SPIDR: variants seen among roughly 807,000 people sequenced by gnomAD.
The protein encoded by SPIDR is DNA repair-scaffolding protein.
A neutral mutation model predicts 104.6 loss-of-function variants in SPIDR; 93 were observed. That is an observed-to-expected ratio of 0.89 (90% CI 0.75 to 1.06). The LOEUF (loss-of-function observed/expected upper bound fraction) is 1.06, where lower values mean the gene tolerates loss of function less well. Among genes scored for constraint, SPIDR ranks in the 50% least tolerant of loss-of-function variants. The pLI, the probability that SPIDR is intolerant of heterozygous loss-of-function variation, is 0.00. For missense variants in SPIDR, 1,154 were observed against 1,111.2 expected, an observed-to-expected ratio of 1.04 and a Z score of -0.55; for synonymous variants, 431 against 416.9, an observed-to-expected ratio of 1.03 and a Z score of -0.41.
intron 5 of SPIDR, among the ~76,000 whole-genome samples, chr8:47,298,891 G>A (rs1447682577): frequency 5.3e-5 from 8 of 152,186 alleles, no homozygotes; most frequent in Admixed American, 6.5e-5. Flanking sequence ...GTAGCGTGAT[G>A]CCTCCAGCTT....
At chr8:47,291,282 A>G (rs1259241478) in intron 4 of SPIDR, 145 bp downstream of exon 4, 4 of 530,430 alleles carry the variant, frequency 7.5e-6, no homozygotes, top group African/African-American at 1.9e-5. Context: ...AGAAACTTAC[A>G]TTCCTTTCTA....
At chr8:47,332,952 C>T (rs1348011457) in intron 5 of SPIDR, among the ~76,000 whole-genome samples, 1 of 147,762 alleles carries the variant, frequency 6.8e-6, no homozygotes, top group East Asian at 2.0e-4. Flanking sequence ...TTGTAGGTTG[C>T]CTGTTCACTC....
chr8:47,407,847 A>G lies in SPIDR; in HGVS notation c.777-14A>G. 6.6e-7 allele frequency: 1 copy of G among 1,515,368 alleles called. No homozygotes were observed. The highest frequency in any genetic ancestry group is 9.1e-7 in the Non-Finnish European group (1 of 1,098,256). The allele number at this position is 1,515,368 out of a possible 1,614,324, so 93.9% of individuals were successfully genotyped here. A position where few individuals can be genotyped will look rare whatever the true frequency, so the allele number is the denominator to read the frequency against. Reference sequence around the variant, plus strand: ...CTTTTAACTAAACTTAATACATTATAATTCATTAAACAGAGGTGGACTAGC... The same window carrying G: ...CTTTTAACTAAACTTAATACATTATGATTCATTAAACAGAGGTGGACTAGC... On this transcript the variant is annotated splice_polypyrimidine_tract_variant and intron_variant, in intron 6 of 19. Coordinates refer to ENST00000297423, the MANE Select transcript of SPIDR (RefSeq NM_001080394.4).
At chr8:47,456,441 A>G (rs1369857700) in intron 8 of SPIDR, among the ~76,000 whole-genome samples, 1 of 152,202 alleles carries the variant, frequency 6.6e-6, no homozygotes, top group Non-Finnish European at 1.5e-5. Flanking sequence ...TAGCTCTAGC[A>G]AACTAATACA....
chr8:47,594,186 CCAGTCTCTACAAAAAAAAAAA>C (rs907476811), intron 8 of SPIDR, among the ~76,000 whole-genome samples: 12 of 130,364 alleles, frequency 9.2e-5, no homozygotes, highest in African/African-American at 3.7e-4. Flanking sequence ...ATGATGAAAC[CCAGTCTCTACAAAAAAAAAAA>C]AAAAAAAAAA....
intron 5 of SPIDR, chr8:47,330,643 G>A (rs2048499418): frequency 2.7e-6 from 1 of 375,360 alleles, no homozygotes; most frequent in South Asian, 2.0e-5. Flanking sequence ...CTTTCACTTA[G>A]TAATATGTAT....
At chr8:47,388,787 G>C (rs2060235724) in intron 5 of SPIDR, among the ~76,000 whole-genome samples, 1 of 152,212 alleles carries the variant, frequency 6.6e-6, no homozygotes, top group African/African-American at 2.4e-5. Context: ...AGAGGAGTCA[G>C]AAATAAATTG....
chr8:47,357,184 A>G (rs187702240), intron 5 of SPIDR, among the ~76,000 whole-genome samples: 272 of 151,742 alleles, frequency 1.8e-3, no homozygotes, highest in Admixed American at 3.6e-3. Flanking sequence ...GGCTAGGCTT[A>G]TAAGAGAACA....
chr8:47,553,677 C>T (rs778249511), intron 8 of SPIDR, among the ~76,000 whole-genome samples: 14 of 152,158 alleles, frequency 9.2e-5, no homozygotes, highest in Non-Finnish European at 1.8e-4. Context: ...AGCTTCTTTG[C>T]GATGGGTTCG....
intron 8 of SPIDR, among the ~76,000 whole-genome samples, chr8:47,535,469 G>A (rs2086742314): frequency 6.6e-6 from 1 of 151,994 alleles, no homozygotes; most frequent in African/African-American, 2.4e-5. Flanking sequence ...GAAACTTAAG[G>A]ATCAGTGCCT....
chr8:47,342,556 C>T (rs943646316), intron 5 of SPIDR, among the ~76,000 whole-genome samples: 7 of 151,874 alleles, frequency 4.6e-5, no homozygotes, highest in Non-Finnish European at 7.4e-5. Flanking sequence ...AGGTTGGTTT[C>T]GAACTCTTGA....
intron 2 of SPIDR, among the ~76,000 whole-genome samples, chr8:47,282,874 G>C (rs1286467997): frequency 1.4e-5 from 2 of 143,180 alleles, no homozygotes; most frequent in East Asian, 2.0e-4. Context: ...TTTTTTTTTT[G>C]AGAGGGAGTC....
intron 7 of SPIDR, among the ~76,000 whole-genome samples, chr8:47,415,349 A>G (rs1230680250): frequency 6.6e-6 from 1 of 152,232 alleles, no homozygotes. Flanking sequence ...CAGGACAGCC[A>G]GGATGATGAT....
At chr8:47,372,786 C>G (rs1343716532) in intron 5 of SPIDR, among the ~76,000 whole-genome samples, 3 of 152,120 alleles carry the variant, frequency 2.0e-5, no homozygotes, top group Non-Finnish European at 4.4e-5. Context: ...ATATTGCATA[C>G]TAATGGTGAT....
At chr8:47,682,806 G>A (rs2077269612) in intron 11 of SPIDR, among the ~76,000 whole-genome samples, 1 of 152,128 alleles carries the variant, frequency 6.6e-6, no homozygotes, top group African/African-American at 2.4e-5. Flanking sequence ...GGGGAAATAA[G>A]AACACGGATT....
At chr8:47,569,808 T>G (rs1317381628) in intron 8 of SPIDR, among the ~76,000 whole-genome samples, 1 of 152,126 alleles carries the variant, frequency 6.6e-6, no homozygotes, top group Non-Finnish European at 1.5e-5. Flanking sequence ...GGGTACAAGG[T>G]CAGTATAGAA....
At chr8:47,300,848 G>A (rs988427869) in intron 5 of SPIDR, among the ~76,000 whole-genome samples, 9 of 152,168 alleles carry the variant, frequency 5.9e-5, no homozygotes, top group Non-Finnish European at 1.2e-4. Flanking sequence ...TACATATGCT[G>A]AGGAGTGCTT....
chr8:47,455,047 T>TA (rs2072683380), intron 8 of SPIDR, among the ~76,000 whole-genome samples: 1 of 151,762 alleles, frequency 6.6e-6, no homozygotes, highest in Admixed American at 6.6e-5. Flanking sequence ...AAGAAAAAAA[T>TA]AAAGAGTATT....
At chr8:47,297,960 T>C (rs2041210444) in intron 5 of SPIDR, among the ~76,000 whole-genome samples, 1 of 152,210 alleles carries the variant, frequency 6.6e-6, no homozygotes, top group African/African-American at 2.4e-5. Flanking sequence ...TGTAATCCTT[T>C]TGGTATATAC....
Sources: gnomAD v4.1 joint callset for allele counts (sites outside exome capture counted in the v4.1 genomes callset) on GRCh38, gnomAD v4.1.1 for gene constraint, MANE v1.5 for transcripts, NCBI Gene and HGNC (gene_info 2026-07-23, HGNC 2026-07-21) for gene names.